FAM135B: variants seen among roughly 807,000 people sequenced by gnomAD.
FAM135B encodes protein FAM135B.
FAM135B carries 43 observed loss-of-function variants against 127.7 expected under a neutral mutation model. The observed-to-expected ratio is 0.34, with a 90% CI of 0.26 to 0.43. The LOEUF (loss-of-function observed/expected upper bound fraction) is 0.43. FAM135B is among the 20% of genes least tolerant of loss of function. The pLI is 1.00. For missense variants in FAM135B, 1,558 were observed against 1,725.6 expected, an observed-to-expected ratio of 0.90 and a Z score of 1.72; for synonymous variants, 670 against 665.1, an observed-to-expected ratio of 1.01 and a Z score of -0.11.
chr8:138,319,948 C>G (rs1452241434), intron 2 of FAM135B, among the ~76,000 whole-genome samples: 1 of 152,096 alleles, frequency 6.6e-6, no homozygotes, highest in Admixed American at 6.5e-5. Context: ...CAGAGTAGTG[C>G]AATGTGAGAA....
At chr8:138,257,136 C>A (rs931902401) in intron 4 of FAM135B, among the ~76,000 whole-genome samples, 4 of 152,070 alleles carry the variant, frequency 2.6e-5, no homozygotes, top group African/African-American at 9.7e-5. Context: ...GCAGTGAACT[C>A]GCAGTGAAAT....
intron 4 of FAM135B, among the ~76,000 whole-genome samples, chr8:138,259,295 A>C (rs73439013): frequency 2.6e-5 from 4 of 152,168 alleles, no homozygotes; most frequent in Non-Finnish European, 5.9e-5. Flanking sequence ...GCTTTGTCAC[A>C]GCGTGATGGC....
rs574185055 is a variant in FAM135B at position 138,405,203 on chromosome 8, C to CT, written c.-19-37202dup. The stretch of plus-strand genomic sequence containing the variant: ...TGCATTTTCAATGAGTAGTAATATT[C>CT]TTTTTTTTTCTTTTTTTTTTCTTCT... On this transcript the variant is annotated intron_variant, in intron 1 of 19. Transcript: ENST00000395297. Among the ~76,000 whole-genome samples the CT allele has an allele frequency of 7.3e-3, 1,067 of 145,670 alleles. 3 individuals carry two copies. Among genetic ancestry groups the CT allele is most frequent in the Non-Finnish European group, 0.011 (729 of 67,316 alleles).
chr8:138,482,056 C>G (rs552584035), intron 1 of FAM135B, among the ~76,000 whole-genome samples: 34 of 152,238 alleles, frequency 2.2e-4, no homozygotes, highest in African/African-American at 7.9e-4. Flanking sequence ...GCACATAGGG[C>G]AGAGGAGTCC....
rs147609634 is a variant in FAM135B, at chr8:138,430,049, G to A, written c.-19-62047C>T. Among the ~76,000 whole-genome samples the A allele has an allele frequency of 9.9e-3, 1,505 of 152,200 alleles. 22 individuals are homozygous for A. Among genetic ancestry groups the A allele is most frequent in the African/African-American group, 0.033 (1,375 of 41,518 alleles). On this transcript the variant is annotated intron_variant, in intron 1 of 19. Coordinates refer to ENST00000395297, the MANE Select transcript of FAM135B (RefSeq NM_015912.4). ...CCAGAAGTATGAAATTTCAGCCAAC[G>A]CAGCACTTTCTAGAGAAGGGCTATA...
At chr8:138,166,309 G>A (rs1020209804) in intron 12 of FAM135B, among the ~76,000 whole-genome samples, 1 of 152,202 alleles carries the variant, frequency 6.6e-6, no homozygotes, top group Non-Finnish European at 1.5e-5. Context: ...GGCAGGACAA[G>A]AAACGAGCCT....
intron 1 of FAM135B, among the ~76,000 whole-genome samples, chr8:138,417,452 T>C (rs1026076727): frequency 6.6e-6 from 1 of 152,176 alleles, no homozygotes; most frequent in African/African-American, 2.4e-5. Flanking sequence ...CTTGCTGCTT[T>C]GCTAGTGCTC....
At chr8:138,215,791 C>A (rs1018648509) in intron 7 of FAM135B, among the ~76,000 whole-genome samples, 3 of 152,162 alleles carry the variant, frequency 2.0e-5, no homozygotes, top group Admixed American at 6.5e-5. Flanking sequence ...CTCCTCCCAC[C>A]CATGAATGGC....
chr8:138,140,461 A>C (rs1008872159), intron 17 of FAM135B, among the ~76,000 whole-genome samples: 3 of 152,152 alleles, frequency 2.0e-5, no homozygotes, highest in Non-Finnish European at 4.4e-5. Flanking sequence ...GCTTCCATAC[A>C]CCAAACCATG....
intron 1 of FAM135B, among the ~76,000 whole-genome samples, chr8:138,405,047 A>T (rs1450791880): frequency 6.6e-6 from 1 of 152,136 alleles, no homozygotes; most frequent in Non-Finnish European, 1.5e-5. Flanking sequence ...CTATAGCCTC[A>T]CTAAATGTAT....
chr8:138,314,481 T>G (rs989737145), intron 2 of FAM135B, among the ~76,000 whole-genome samples: 7 of 151,762 alleles, frequency 4.6e-5, no homozygotes, highest in African/African-American at 1.2e-4. Flanking sequence ...CAAGAAAAAT[T>G]TCACCAAAGG....
intron 7 of FAM135B, among the ~76,000 whole-genome samples, chr8:138,204,382 A>T (rs1227993902): frequency 6.6e-6 from 1 of 151,790 alleles, no homozygotes; most frequent in African/African-American, 2.4e-5. Flanking sequence ...TCATTCCAAT[A>T]CTCCCTGAAC....
At chr8:138,299,628 A>T (rs1285047780) in intron 3 of FAM135B, among the ~76,000 whole-genome samples, 2 of 152,166 alleles carry the variant, frequency 1.3e-5, no homozygotes, top group Admixed American at 1.3e-4. Flanking sequence ...AAATATAAAA[A>T]TTAAGCTGCA....
chr8:138,161,147 T>C (rs1819348904), intron 12 of FAM135B, among the ~76,000 whole-genome samples: 1 of 152,184 alleles, frequency 6.6e-6, no homozygotes, highest in African/African-American at 2.4e-5. Flanking sequence ...ATTTCTACTT[T>C]CTCAGAAAAA....
At chr8:138,180,414 T>A (rs182844891) in intron 9 of FAM135B, among the ~76,000 whole-genome samples, 1 of 152,328 alleles carries the variant, frequency 6.6e-6, no homozygotes, top group East Asian at 1.9e-4. Context: ...CACACAGCCA[T>A]AGCCACATCC....
At chr8:138,233,795 A>G (rs1477887949) in intron 7 of FAM135B, among the ~76,000 whole-genome samples, 1 of 151,758 alleles carries the variant, frequency 6.6e-6, no homozygotes, top group Non-Finnish European at 1.5e-5. Flanking sequence ...TCCAAAATAC[A>G]TAAGGAACTC....
chr8:138,226,184 T>TGTGTGCGCGCGCGCGCGC, intron 7 of FAM135B, among the ~76,000 whole-genome samples: 1 of 139,202 alleles, frequency 7.2e-6, no homozygotes, highest in African/African-American at 2.7e-5. Context: ...TGTGTGTGTG[T>TGTGTGCGCGCGCGCGCGC]GCGCGCATGT....
intron 2 of FAM135B, among the ~76,000 whole-genome samples, chr8:138,336,588 C>T (rs1258073152): frequency 6.6e-6 from 1 of 152,182 alleles, no homozygotes; most frequent in Non-Finnish European, 1.5e-5. Context: ...AGACCAAAAA[C>T]AGGCTCTCAA....
At chr8:138,219,063 C>A (rs1450837866) in intron 7 of FAM135B, among the ~76,000 whole-genome samples, 1 of 152,114 alleles carries the variant, frequency 6.6e-6, no homozygotes. Context: ...TCTGTAACTG[C>A]CATTAATAAC....
Sources: gnomAD v4.1 joint callset for allele counts (sites outside exome capture counted in the v4.1 genomes callset) on GRCh38, gnomAD v4.1.1 for gene constraint, MANE v1.5 for transcripts, NCBI Gene and HGNC (gene_info 2026-07-23, HGNC 2026-07-21) for gene names.